Variants in FAM83B observed in about 807,000 individuals in gnomAD.
FAM83B encodes the protein protein FAM83B.
FAM83B carries 26 observed loss-of-function variants against 38.8 expected under a neutral mutation model. That is an observed-to-expected ratio of 0.67 (90% CI 0.49 to 0.93). The LOEUF is 0.93. Ranked by LOEUF, FAM83B falls within the 40% of genes least tolerant of loss-of-function variation. The pLI is 0.00. For missense variants in FAM83B, 1,237 were observed against 1,197.3 expected (o/e 1.03, Z -0.49); for synonymous variants, 419 against 423.1 (o/e 0.99, Z 0.12).
chr6:54,866,580 G>A (rs879785205), intron 1 of FAM83B, among the ~76,000 whole-genome samples: 37 of 152,056 alleles, frequency 2.4e-4, no homozygotes, highest in East Asian at 5.8e-4. Context: ...TAATTCTCTG[G>A]AGAGTCATCC....
At chr6:54,885,002 G>A (rs1214738014) in intron 2 of FAM83B, among the ~76,000 whole-genome samples, 1 of 152,102 alleles carries the variant, frequency 6.6e-6, no homozygotes, top group Non-Finnish European at 1.5e-5. Context: ...TTGATCTCCT[G>A]ACCTCGTGAT....
intron 4 of FAM83B, among the ~76,000 whole-genome samples, chr6:54,935,022 T>A (rs239788): frequency 0.2 from 30,668 of 152,120 alleles, 3,554 homozygotes; most frequent in African/African-American, 0.31. Flanking sequence ...CCCTTTGCTA[T>A]CTTTTTAGTA....
chr6:54,846,266 C>G (rs1280856861), upstream of FAM83B, among the ~76,000 whole-genome samples: 1 of 152,200 alleles, frequency 6.6e-6, no homozygotes, highest in African/African-American at 2.4e-5. Context: ...TGGGCTGAAT[C>G]CGCCCCACAC....
At chr6:54,870,731 G>A in intron 2 of FAM83B, 41 bp downstream of exon 2, 1 of 1,502,392 alleles carries the variant, frequency 6.7e-7, no homozygotes, top group Non-Finnish European at 9.0e-7. Flanking sequence ...TTTGAAACAT[G>A]TAGAAAAGTA....
chr6:54,940,758 C>T lies in FAM83B; in HGVS notation c.1787C>T (p.Pro596Leu), dbSNP rs1186168623. The T allele has an allele frequency of 1.2e-6, 2 of 1,613,968 alleles. No individual in the cohort carries two copies. Among genetic ancestry groups the T allele is most frequent in the East Asian group, 2.2e-5 (1 of 44,860 alleles). Reference protein sequence around the residue: ...NVQHLTDKPLPESIPKLPLQS... With the variant: ...NVQHLTDKPLLESIPKLPLQS... Reference sequence around the variant, plus strand: ...CAGCATTTGACAGACAAACCCTTGCCAGAATCAATCCCCAAGCTCCCATTG... The same window carrying T: ...CAGCATTTGACAGACAAACCCTTGCTAGAATCAATCCCCAAGCTCCCATTG... Residue 596 changes from proline (P) to leucine (L), a missense_variant, in exon 5 of 5, where the codon CCA (proline) becomes CTA (leucine). Transcript: ENST00000306858.
chr6:54,926,577 C>A, intron 3 of FAM83B, 42 bp downstream of exon 3: 2 of 1,432,412 alleles, frequency 1.4e-6, no homozygotes, highest in South Asian at 3.0e-5. Context: ...TTTTATGTGT[C>A]ATTTTCAACT....
At chr6:54,855,866 C>G (rs796564295) in intron 1 of FAM83B, among the ~76,000 whole-genome samples, 12 of 152,264 alleles carry the variant, frequency 7.9e-5, no homozygotes, top group African/African-American at 2.9e-4. Context: ...AGAAATGAAT[C>G]ATCTTTGATT....
Position 54,942,168 on chromosome 6 carries a change from G to A in FAM83B, c.*161G>A. 1.4e-6 allele frequency: 1 copy of A among 713,878 alleles called. No homozygotes were observed. Among genetic ancestry groups the A allele is most frequent in the Non-Finnish European group, 2.2e-6 (1 of 449,380 alleles). 44.2% of individuals were successfully genotyped at this position (713,878 alleles called of 1,614,324 possible). A position where few individuals can be genotyped will look rare whatever the true frequency, so the allele number is the denominator to read the frequency against. ...TAAAGTTATTTTTCTGTGTGATAAA[G>A]TTAGGGTCTGCTGTAGATAGAATTT... On this transcript the variant is annotated 3_prime_UTR_variant, in exon 5 of 5. Transcript: ENST00000306858.
intron 4 of FAM83B, among the ~76,000 whole-genome samples, chr6:54,928,884 T>A (rs937592028): frequency 2.6e-5 from 4 of 152,166 alleles, no homozygotes; most frequent in African/African-American, 9.6e-5. Context: ...GTTGCTAGTG[T>A]TGCAATGACT....
chr6:54,879,122 C>T (rs1392201375), intron 2 of FAM83B, among the ~76,000 whole-genome samples: 1 of 152,148 alleles, frequency 6.6e-6, no homozygotes, highest in Non-Finnish European at 1.5e-5. Context: ...ACGACTTCAC[C>T]ATAGCCTTTG....
intron 4 of FAM83B, among the ~76,000 whole-genome samples, chr6:54,939,207 T>C (rs1773596793): frequency 6.6e-6 from 1 of 152,194 alleles, no homozygotes; most frequent in Non-Finnish European, 1.5e-5. Flanking sequence ...TCTATTCTGT[T>C]CCATTGGTGT....
At chr6:54,916,569 C>A (rs1456340596) in intron 2 of FAM83B, among the ~76,000 whole-genome samples, 2 of 152,172 alleles carry the variant, frequency 1.3e-5, no homozygotes, top group Admixed American at 1.3e-4. Context: ...CTGGCTCAGT[C>A]TCCTTTGTGG....
chr6:54,898,282 G>C (rs1297806333), intron 2 of FAM83B, among the ~76,000 whole-genome samples: 1 of 152,156 alleles, frequency 6.6e-6, no homozygotes, highest in Admixed American at 6.6e-5. Context: ...AGCTTAGAAA[G>C]AAATTCCCTG....
At chr6:54,885,855 A>C (rs1772262174) in intron 2 of FAM83B, among the ~76,000 whole-genome samples, 1 of 151,872 alleles carries the variant, frequency 6.6e-6, no homozygotes, top group South Asian at 2.1e-4. Context: ...ATTAGGAGAT[A>C]TATCTAATGC....
At chr6:54,900,675 T>C (rs780116378) in intron 2 of FAM83B, among the ~76,000 whole-genome samples, 3 of 152,206 alleles carry the variant, frequency 2.0e-5, no homozygotes, top group Non-Finnish European at 4.4e-5. Context: ...TATACACATA[T>C]ATGTAACACA....
chr6:54,870,379 G>C lies in FAM83B; in HGVS notation c.133G>C (p.Glu45Gln), dbSNP rs774936889. Residue 45 changes from glutamate to glutamine, a missense_variant, in exon 2 of 5, where the codon GAA becomes CAA. Coordinates refer to ENST00000306858, the MANE Select transcript of FAM83B (RefSeq NM_001010872.3). ...TGAACACGGGTTAGAAGCATACCAA[G>C]AATTTCTTGTCCAGGAACGAGTTTC... Reference protein sequence around the residue: ...LIEHGLEAYQEFLVQERVSDF... With the variant: ...LIEHGLEAYQQFLVQERVSDF... 1.9e-6 allele frequency: 3 copies of C among 1,614,062 alleles called. No homozygotes were observed. Among genetic ancestry groups the C allele is most frequent in the East Asian group, 2.2e-5 (1 of 44,864 alleles).
chr6:54,927,856 A>G (rs1048656819), intron 4 of FAM83B, among the ~76,000 whole-genome samples: 3 of 152,036 alleles, frequency 2.0e-5, no homozygotes, highest in African/African-American at 7.2e-5. Flanking sequence ...CTTGAGCTTC[A>G]GATTGTTCAT....
At chr6:54,900,685 A>T (rs77149750) in intron 2 of FAM83B, among the ~76,000 whole-genome samples, 5,420 of 152,284 alleles carry the variant, frequency 0.036, 308 homozygotes, top group African/African-American at 0.12. Flanking sequence ...TATGTAACAC[A>T]TATGCACAGG....
At chr6:54,871,444 C>T (rs1054844465) in intron 2 of FAM83B, among the ~76,000 whole-genome samples, 1 of 151,506 alleles carries the variant, frequency 6.6e-6, no homozygotes, top group East Asian at 1.9e-4. Context: ...CAAGGCTGGG[C>T]GTGGTGGCTC....
Sources: gnomAD v4.1 joint callset for allele counts (sites outside exome capture counted in the v4.1 genomes callset) on GRCh38, gnomAD v4.1.1 for gene constraint, MANE v1.5 for transcripts, NCBI Gene and HGNC (gene_info 2026-07-23, HGNC 2026-07-21) for gene names.